The following RPA3 variants were observed in gnomAD, a reference collection of about 807,000 sequenced individuals.
The protein encoded by RPA3 is replication protein A3.
RPA3 carries 24 observed loss-of-function variants against 13.7 expected under a neutral mutation model. The observed-to-expected ratio is 1.75, with a 90% CI of 1.27 to 2.46. The LOEUF is 2.46. Ranked by LOEUF, RPA3 falls within the 30% of genes most tolerant of loss-of-function variation. The probability of loss-of-function intolerance (pLI) is 0.00; values close to 1 mark genes in which losing one functional copy is unlikely to be tolerated. For missense variants in RPA3, 183 were observed against 151.0 expected (o/e 1.21, Z -1.11); for synonymous variants, 59 against 51.2 (o/e 1.15, Z -0.65).
In RPA3 at chr7:7,646,237, A is replaced by G. The variant is rs541145216; in HGVS notation, c.-757-5062T>C. The stretch of plus-strand genomic sequence containing the variant: ...GAATCAGGTTACATGGGCTTGAAAG[A>G]TGGTGAATGTGGGCATTTTATTGAG... On this transcript the variant is annotated intron_variant, in intron 4 of 7. Coordinates refer to ENST00000223129, the MANE Select transcript of RPA3 (RefSeq NM_002947.5). Among the ~76,000 whole-genome samples the G allele has an allele frequency of 1.4e-4, 22 of 152,218 alleles. No individual in the cohort carries two copies. In the South Asian group the frequency reaches 4.6e-3, roughly 32 times the overall value.
At chr7:7,653,678 G>A (rs1785277855) in intron 4 of RPA3, among the ~76,000 whole-genome samples, 4 of 152,366 alleles carry the variant, frequency 2.6e-5, no homozygotes, top group Middle Eastern at 3.4e-3. Context: ...GACGCTCCCA[G>A]ACCTAGGGGA....
At chr7:7,647,678 G>C (rs1286058423) in intron 4 of RPA3, among the ~76,000 whole-genome samples, 1 of 152,148 alleles carries the variant, frequency 6.6e-6, no homozygotes, top group Admixed American at 6.5e-5. Flanking sequence ...CGTGATTGTG[G>C]TGCAATGCAG....
chr7:7,674,314 G>A (rs752324634), intron 4 of RPA3, among the ~76,000 whole-genome samples: 2 of 152,140 alleles, frequency 1.3e-5, no homozygotes, highest in Non-Finnish European at 2.9e-5. Context: ...CCATCAGACT[G>A]GCATCTGCTA....
chr7:7,637,730 G>A (rs1450910538), intron 7 of RPA3, 134 bp downstream of exon 7: 1 of 482,260 alleles, frequency 2.1e-6, no homozygotes, highest in Non-Finnish European at 3.7e-6. Context: ...ATTACATACA[G>A]TTATATAAAA....
chr7:7,648,265 A>G (rs1001145154), intron 4 of RPA3, among the ~76,000 whole-genome samples: 1 of 152,134 alleles, frequency 6.6e-6, no homozygotes, highest in African/African-American at 2.4e-5. Flanking sequence ...ATCATGAGTG[A>G]TTTGCTGTTT....
At chr7:7,698,393 A>G (rs1780368092) in intron 2 of RPA3, among the ~76,000 whole-genome samples, 1 of 152,172 alleles carries the variant, frequency 6.6e-6, no homozygotes, top group South Asian at 2.1e-4. Context: ...CCAAACTGGT[A>G]GAAGTTTTGA....
chr7:7,643,492 C>G (rs1785021916), intron 4 of RPA3, among the ~76,000 whole-genome samples: 2 of 152,188 alleles, frequency 1.3e-5, no homozygotes, highest in South Asian at 4.1e-4. Context: ...GGGTGGATCA[C>G]CTCAGATCAG....
intron 4 of RPA3, among the ~76,000 whole-genome samples, chr7:7,680,540 A>G (rs116091950): frequency 0.018 from 2,811 of 152,222 alleles, 84 homozygotes; most frequent in African/African-American, 0.064. Context: ...GTGATTCTAT[A>G]TAAATGTTAG....
At chr7:7,710,853 CAAG>C (rs1780740632) in intron 2 of RPA3, among the ~76,000 whole-genome samples, 1 of 152,112 alleles carries the variant, frequency 6.6e-6, no homozygotes, top group Non-Finnish European at 1.5e-5. Flanking sequence ...TAATACTCAG[CAAG>C]AAGAAGTAAC....
In RPA3 at chr7:7,685,931, A is replaced by C. The variant is rs555606874; in HGVS notation, c.-859T>G. On this transcript the variant is annotated 5_prime_UTR_variant, in exon 4 of 8. Transcript: ENST00000223129. ...AATCAGTAAGTGAACATTCTTGAGC[A>C]CTTTCTCTATCCCAGGTGCTCTCCT... The C allele has an allele frequency of 4.6e-5, 7 of 152,278 alleles. No homozygotes were observed. Among genetic ancestry groups the C allele is most frequent in the African/African-American group, 1.7e-4 (7 of 41,566 alleles). 9.4% of individuals were successfully genotyped at this position (152,278 alleles called of 1,614,324 possible).
intron 4 of RPA3, among the ~76,000 whole-genome samples, chr7:7,678,475 A>G (rs1779807080): frequency 1.4e-5 from 2 of 142,168 alleles, no homozygotes; most frequent in African/African-American, 5.1e-5. Flanking sequence ...ATATTTATAT[A>G]TTTAATTTAT....
chr7:7,672,922 A>G (rs771620080), intron 4 of RPA3, among the ~76,000 whole-genome samples: 2 of 152,194 alleles, frequency 1.3e-5, no homozygotes, highest in Non-Finnish European at 2.9e-5. Context: ...TAGTCACAAC[A>G]TGACAAGAAA....
chr7:7,642,810 C>T (rs1213507279), intron 4 of RPA3, among the ~76,000 whole-genome samples: 1 of 152,132 alleles, frequency 6.6e-6, no homozygotes, highest in East Asian at 1.9e-4. Context: ...TTGCTACAGC[C>T]ATAAGTAAAC....
chr7:7,689,785 T>A (rs919223844), intron 2 of RPA3, among the ~76,000 whole-genome samples: 1 of 152,150 alleles, frequency 6.6e-6, no homozygotes, highest in African/African-American at 2.4e-5. Flanking sequence ...AAGTAAACAT[T>A]TTGAATGGTA....
At chr7:7,710,410 A>T (rs1331575910) in intron 2 of RPA3, among the ~76,000 whole-genome samples, 3 of 152,250 alleles carry the variant, frequency 2.0e-5, no homozygotes, top group African/African-American at 7.2e-5. Context: ...TGGGCAAAAG[A>T]CATGAAGAGA....
chr7:7,697,112 GCTTTT>G (rs1201604524), intron 2 of RPA3, among the ~76,000 whole-genome samples: 4 of 152,054 alleles, frequency 2.6e-5, no homozygotes, highest in Admixed American at 1.3e-4. Context: ...AGATTGTTTT[GCTTTT>G]CTTTTTATTT....
chr7:7,659,320 T>A (rs923629447), intron 4 of RPA3, among the ~76,000 whole-genome samples: 1 of 152,152 alleles, frequency 6.6e-6, no homozygotes, highest in Non-Finnish European at 1.5e-5. Flanking sequence ...TTTGCTCTGA[T>A]CTTAGTTATT....
In RPA3 at chr7:7,669,631, A is replaced by G. The variant is rs553920749; in HGVS notation, c.-758+16199T>C. ...GCATCAGCAGCAGTATTGATCATAC[A>G]AGGGAATCCCAAGACTCTTATTGTA... is the stretch of plus-strand genomic sequence containing the variant. On this transcript the variant is annotated intron_variant, in intron 4 of 7. Coordinates refer to ENST00000223129, the MANE Select transcript of RPA3 (RefSeq NM_002947.5). Among the ~76,000 whole-genome samples, 10 of 152,336 alleles carry G rather than the reference A, an allele frequency of 6.6e-5. No homozygotes were observed. In the South Asian group the frequency reaches 2.1e-3, roughly 32 times the overall value.
chr7:7,659,546 C>T (rs1785424505), intron 4 of RPA3, among the ~76,000 whole-genome samples: 1 of 152,088 alleles, frequency 6.6e-6, no homozygotes, highest in African/African-American at 2.4e-5. Context: ...TTATTTCTGC[C>T]TTAATTTCGT....
Sources: allele counts gnomAD v4.1 joint callset (sites outside exome capture counted in the v4.1 genomes callset), GRCh38; gene constraint gnomAD v4.1.1; transcripts MANE v1.5; gene names NCBI Gene and HGNC (gene_info 2026-07-23, HGNC 2026-07-21).